Variants in KCNK10 observed in about 807,000 individuals in gnomAD.
KCNK10 encodes potassium two pore domain channel subfamily K member 10.
A neutral mutation model predicts 47.7 loss-of-function variants in KCNK10; 25 were observed. That is an observed-to-expected ratio of 0.52 (90% CI 0.38 to 0.73). KCNK10 has a LOEUF of 0.73. Among genes scored for constraint, KCNK10 ranks in the 30% least tolerant of loss-of-function variants. KCNK10 has a pLI of 0.00. For missense variants in KCNK10, 563 were observed against 714.5 expected (o/e 0.79, Z 2.42); for synonymous variants, 303 against 285.6 (o/e 1.06, Z -0.61).
rs150415028 is a variant in KCNK10, at chr14:88,266,432, A to G, written c.53-2881T>C. The stretch of plus-strand genomic sequence containing the variant: ...CAGCCAAAAGCTACCTCCTCTATGA[A>G]GTCGTCCTGGGCTCTTCCAGGCAGG... On this transcript the variant is annotated intron_variant, in intron 1 of 6. Transcript: ENST00000319231. 1.5e-3 allele frequency among the ~76,000 whole-genome samples: 228 copies of G among 152,250 alleles called. 1 individual carries two copies. Among genetic ancestry groups the G allele is most frequent in the Non-Finnish European group, 2.6e-3 (180 of 68,014 alleles).
At chr14:88,233,488 T>TAGTCTAGACAAG (rs1312062639) in intron 3 of KCNK10, among the ~76,000 whole-genome samples, 1 of 152,186 alleles carries the variant, frequency 6.6e-6, no homozygotes, top group African/African-American at 2.4e-5. Context: ...ACAAGGTGAT[T>TAGTCTAGACAAG]GTTCACCTGA....
At chr14:88,291,228 G>C (rs56345162) in intron 1 of KCNK10, among the ~76,000 whole-genome samples, 41,871 of 151,982 alleles carry the variant, frequency 0.28, 6,717 homozygotes, top group Non-Finnish European at 0.36. Context: ...CCCGCCCCTC[G>C]TTCCCCACCA....
intron 1 of KCNK10, among the ~76,000 whole-genome samples, chr14:88,266,395 C>T (rs1374643065): frequency 1.3e-5 from 2 of 152,220 alleles, no homozygotes; most frequent in Admixed American, 6.5e-5. Flanking sequence ...AAACTCCCAT[C>T]CTCTTTAGTC....
chr14:88,270,403 AT>A (rs199619748), intron 1 of KCNK10, among the ~76,000 whole-genome samples: 2 of 113,990 alleles, frequency 1.8e-5, no homozygotes, highest in East Asian at 1.4e-3. Context: ...CCCTGTTTCC[AT>A]GGGACAGCCC....
chr14:88,287,721 G>GTGTGTGTA (rs1236520725), intron 1 of KCNK10, among the ~76,000 whole-genome samples: 8 of 111,022 alleles, frequency 7.2e-5, no homozygotes, highest in African/African-American at 2.3e-4. Flanking sequence ...GTGTGTGTGT[G>GTGTGTGTA]TGTATCACAA....
At chr14:88,225,933 G>C (rs7143996) in intron 4 of KCNK10, among the ~76,000 whole-genome samples, 2 of 152,106 alleles carry the variant, frequency 1.3e-5, no homozygotes, top group South Asian at 2.1e-4. Context: ...CCAGGTGCAC[G>C]GTCTAATGAG....
intron 2 of KCNK10, among the ~76,000 whole-genome samples, chr14:88,253,441 T>C (rs1886854129): frequency 6.6e-6 from 1 of 152,194 alleles, no homozygotes; most frequent in African/African-American, 2.4e-5. Context: ...GATCTGATCA[T>C]CATACATTGT....
intron 3 of KCNK10, among the ~76,000 whole-genome samples, chr14:88,240,354 T>G (rs1204553492): frequency 6.6e-6 from 1 of 152,160 alleles, no homozygotes; most frequent in African/African-American, 2.4e-5. Context: ...TATAAAAAAT[T>G]TTGTAGAATA....
intron 4 of KCNK10, among the ~76,000 whole-genome samples, chr14:88,225,819 G>C (rs1425305048): frequency 6.6e-6 from 1 of 152,222 alleles, no homozygotes; most frequent in Non-Finnish European, 1.5e-5. Context: ...AAGTTCAAAA[G>C]AGTTCTTGGA....
chr14:88,236,611 T>C (rs930259721), intron 3 of KCNK10, among the ~76,000 whole-genome samples: 4 of 152,220 alleles, frequency 2.6e-5, no homozygotes, highest in Non-Finnish European at 4.4e-5. Context: ...TTACATACCC[T>C]GAGGTTATAC....
intron 1 of KCNK10, among the ~76,000 whole-genome samples, chr14:88,313,854 C>T (rs1244941061): frequency 6.6e-6 from 1 of 152,242 alleles, no homozygotes; most frequent in African/African-American, 2.4e-5. Flanking sequence ...TGATGACTCT[C>T]TAGGAATGAC....
intron 1 of KCNK10, among the ~76,000 whole-genome samples, chr14:88,285,177 T>C (rs538529539): frequency 3.3e-5 from 5 of 152,320 alleles, no homozygotes; most frequent in Non-Finnish European, 7.3e-5. Context: ...AGTGGCACCA[T>C]CTTAGTTCAC....
At chr14:88,202,580 T>C (rs1885135583) in intron 4 of KCNK10, among the ~76,000 whole-genome samples, 1 of 152,200 alleles carries the variant, frequency 6.6e-6, no homozygotes, top group African/African-American at 2.4e-5. Context: ...CGTCCTCCTC[T>C]TTCGTCTCAC....
intron 2 of KCNK10, among the ~76,000 whole-genome samples, chr14:88,258,379 C>T (rs1049356530): frequency 6.6e-6 from 1 of 151,862 alleles, no homozygotes; most frequent in Non-Finnish European, 1.5e-5. Context: ...TAACCTCCGC[C>T]TCCCAGGTTC....
intron 2 of KCNK10, among the ~76,000 whole-genome samples, chr14:88,244,106 A>G (rs1285682151): frequency 6.6e-6 from 1 of 152,126 alleles, no homozygotes; most frequent in African/African-American, 2.4e-5. Context: ...AGGCTTTAGA[A>G]AGCCCCAATG....
At chr14:88,271,757 G>C (rs1308951843) in intron 1 of KCNK10, among the ~76,000 whole-genome samples, 1 of 152,028 alleles carries the variant, frequency 6.6e-6, no homozygotes, top group Admixed American at 6.5e-5. Flanking sequence ...GTGATTTGAG[G>C]ACCCAAAAGA....
At chr14:88,187,851 G>C (rs559421626) in intron 6 of KCNK10, 116 bp downstream of exon 6, 362 of 667,858 alleles carry the variant, frequency 5.4e-4, no homozygotes, top group Non-Finnish European at 8.6e-4. Context: ...CCCGCCCCCC[G>C]CTCCCCCTGC....
chr14:88,217,002 C>T (rs1352476008), intron 4 of KCNK10, among the ~76,000 whole-genome samples: 1 of 151,968 alleles, frequency 6.6e-6, no homozygotes, highest in African/African-American at 2.4e-5. Flanking sequence ...TAAAAATATA[C>T]AAAAATTAGC....
intron 1 of KCNK10, among the ~76,000 whole-genome samples, chr14:88,278,238 G>A (rs1458289215): frequency 6.6e-6 from 1 of 152,176 alleles, no homozygotes; most frequent in Non-Finnish European, 1.5e-5. Flanking sequence ...CTGCTAAGCT[G>A]CTATACTGGT....
Sources: allele counts gnomAD v4.1 joint callset (sites outside exome capture counted in the v4.1 genomes callset), GRCh38; gene constraint gnomAD v4.1.1; transcripts MANE v1.5; gene names NCBI Gene and HGNC (gene_info 2026-07-23, HGNC 2026-07-21).